LHFPL3: variants seen among roughly 807,000 people sequenced by gnomAD.
LHFPL3 encodes the protein LHFPL tetraspan subfamily member 3 protein.
A neutral mutation model predicts 19.3 loss-of-function variants in LHFPL3; 5 were observed. That is an observed-to-expected ratio of 0.26 (90% CI 0.14 to 0.54). LHFPL3 has a LOEUF of 0.54. Among genes scored for constraint, LHFPL3 ranks in the 20% least tolerant of loss-of-function variants. The probability of loss-of-function intolerance (pLI) is 0.94; values close to 1 mark genes in which losing one functional copy is unlikely to be tolerated. For missense variants in LHFPL3, 249 were observed against 307.4 expected (o/e 0.81, Z 1.42); for synonymous variants, 133 against 126.2 (o/e 1.05, Z -0.36).
At chr7:104,509,674 G>A (rs1284429378) in intron 1 of LHFPL3, among the ~76,000 whole-genome samples, 1 of 152,020 alleles carries the variant, frequency 6.6e-6, no homozygotes, top group Non-Finnish European at 1.5e-5. Flanking sequence ...AAAACCAAGA[G>A]CAAGGCAAGG....
At chr7:104,832,957 G>T (rs1163164299) in intron 2 of LHFPL3, among the ~76,000 whole-genome samples, 1 of 55,330 alleles carries the variant, frequency 1.8e-5, no homozygotes, top group African/African-American at 9.0e-5. Flanking sequence ...GAACTAATAG[G>T]ATGTATATAT....
intron 1 of LHFPL3, among the ~76,000 whole-genome samples, chr7:104,372,537 G>A (rs1317522151): frequency 1.3e-5 from 2 of 152,168 alleles, no homozygotes; most frequent in Non-Finnish European, 2.9e-5. Flanking sequence ...GCAATATGCT[G>A]TGGAGGAGAA....
At chr7:104,716,610 T>G (rs1358583080) in intron 1 of LHFPL3, among the ~76,000 whole-genome samples, 1 of 152,068 alleles carries the variant, frequency 6.6e-6, no homozygotes, top group Non-Finnish European at 1.5e-5. Flanking sequence ...AGAAATAAAC[T>G]TAACTAAGGA....
chr7:104,671,725 TA>T (rs967385531), intron 1 of LHFPL3, among the ~76,000 whole-genome samples: 1 of 152,148 alleles, frequency 6.6e-6, no homozygotes, highest in Admixed American at 6.5e-5. Flanking sequence ...TTCTCATCTG[TA>T]AAAAAATAAA....
intron 2 of LHFPL3, among the ~76,000 whole-genome samples, chr7:104,743,210 G>A (rs761898161): frequency 1.1e-4 from 16 of 152,170 alleles, no homozygotes; most frequent in Non-Finnish European, 1.6e-4. Context: ...ACCCACCCAC[G>A]GACCCATGCT....
chr7:104,393,300 C>T (rs188083479), intron 1 of LHFPL3, among the ~76,000 whole-genome samples: 2 of 152,188 alleles, frequency 1.3e-5, no homozygotes, highest in Admixed American at 6.5e-5. Context: ...TATGACCTAG[C>T]AGTTCCACTC....
At chr7:104,582,096 C>T (rs560653705) in intron 1 of LHFPL3, among the ~76,000 whole-genome samples, 1 of 151,786 alleles carries the variant, frequency 6.6e-6, no homozygotes, top group Non-Finnish European at 1.5e-5. Context: ...CTTGGCGTGT[C>T]GCCCCATTTA....
At chr7:104,707,849 T>TA (rs1026797716) in intron 1 of LHFPL3, among the ~76,000 whole-genome samples, 1 of 151,970 alleles carries the variant, frequency 6.6e-6, no homozygotes, top group African/African-American at 2.4e-5. Context: ...GAAACTGGAG[T>TA]AAGTGTCCAG....
intron 1 of LHFPL3, among the ~76,000 whole-genome samples, chr7:104,361,987 C>T (rs1790397018): frequency 6.6e-6 from 1 of 152,242 alleles, no homozygotes; most frequent in African/African-American, 2.4e-5. Context: ...CTGACCAACA[C>T]TGAGGTTCTC....
At chr7:104,652,207 A>G (rs1254210210) in intron 1 of LHFPL3, among the ~76,000 whole-genome samples, 2 of 152,090 alleles carry the variant, frequency 1.3e-5, no homozygotes, top group African/African-American at 4.8e-5. Context: ...TGACTTGACA[A>G]CCTGGGGCAG....
chr7:104,824,583 ATATATATAATTATATAT>A (rs1790774652), intron 2 of LHFPL3, among the ~76,000 whole-genome samples: 2 of 75,562 alleles, frequency 2.6e-5, no homozygotes, highest in Non-Finnish European at 4.6e-5. Context: ...TTTATATATA[ATATATATAATTATATAT>A]TATATATAAT....
chr7:104,854,728 A>G (rs1032999979), intron 2 of LHFPL3, among the ~76,000 whole-genome samples: 10 of 152,246 alleles, frequency 6.6e-5, no homozygotes, highest in Non-Finnish European at 1.3e-4. Flanking sequence ...TCAGTATGAA[A>G]AAAAGGGAAT....
chr7:104,878,190 A>G (rs35514223), intron 2 of LHFPL3, among the ~76,000 whole-genome samples: 43,313 of 151,946 alleles, frequency 0.29, 6,288 homozygotes, highest in South Asian at 0.35. Context: ...TGTCTATCAG[A>G]TGATGGATAA....
intron 1 of LHFPL3, among the ~76,000 whole-genome samples, chr7:104,390,614 T>C (rs79181519): frequency 0.35 from 52,729 of 152,080 alleles, 9,537 homozygotes; most frequent in Admixed American, 0.49. Flanking sequence ...TCCAAGTCTT[T>C]GCTATTGTGA....
chr7:104,675,242 G>C (rs1792569128), intron 1 of LHFPL3, among the ~76,000 whole-genome samples: 1 of 152,356 alleles, frequency 6.6e-6, no homozygotes, highest in East Asian at 1.9e-4. Context: ...AGAAGAAACA[G>C]CAGGTGCAAA....
intron 1 of LHFPL3, among the ~76,000 whole-genome samples, chr7:104,513,277 G>T (rs942031697): frequency 6.6e-6 from 1 of 152,176 alleles, no homozygotes; most frequent in African/African-American, 2.4e-5. Context: ...GTGAGAACAA[G>T]TGGAGTGTAA....
chr7:104,687,279 G>A (rs996908926), intron 1 of LHFPL3, among the ~76,000 whole-genome samples: 2 of 152,220 alleles, frequency 1.3e-5, no homozygotes, highest in African/African-American at 2.4e-5. Flanking sequence ...GAGAAGGGAC[G>A]CAGAACTTCC....
At position 104,848,907 on chromosome 7, in the gene LHFPL3, T is replaced by G. The variant is rs374147206; in HGVS notation, c.683-57280T>G. Among the ~76,000 whole-genome samples, 246 of 151,976 alleles carry G rather than the reference T, an allele frequency of 1.6e-3. 2 individuals carry two copies. Among genetic ancestry groups the G allele is most frequent in the African/African-American group, 5.7e-3 (236 of 41,458 alleles). On this transcript the variant is annotated intron_variant, in intron 2 of 2. Coordinates refer to ENST00000424859, the MANE Select transcript of LHFPL3 (RefSeq NM_199000.3). ...CCTTTTTTTGTTTTTTTGGTTTTTT[T>G]TTTGTTGTTGTTGTTGTTGTTGTAG...
intron 1 of LHFPL3, among the ~76,000 whole-genome samples, chr7:104,441,392 T>C (rs559066032): frequency 5.9e-5 from 9 of 152,334 alleles, no homozygotes; most frequent in East Asian, 1.9e-4. Flanking sequence ...ACTCATGTTG[T>C]TGCATACGGC....
Sources: allele counts gnomAD v4.1 joint callset (sites outside exome capture counted in the v4.1 genomes callset), GRCh38; gene constraint gnomAD v4.1.1; transcripts MANE v1.5; gene names NCBI Gene and HGNC (gene_info 2026-07-23, HGNC 2026-07-21).